The following OGDH variants were observed in gnomAD, a reference collection of about 807,000 sequenced individuals.
OGDH encodes 2-oxoglutarate dehydrogenase complex component E1.
OGDH carries 38 observed loss-of-function variants against 116.6 expected under a neutral mutation model. The observed-to-expected ratio is 0.33, with a 90% CI of 0.25 to 0.43. The LOEUF (loss-of-function observed/expected upper bound fraction) is 0.43. Ranked by LOEUF, OGDH falls within the 20% of genes least tolerant of loss-of-function variation. The pLI is 1.00. For synonymous variants in OGDH, 488 were observed against 533.3 expected, an observed-to-expected ratio of 0.92 and a Z score of 1.17; for missense variants, 825 against 1,357.2, an observed-to-expected ratio of 0.61 and a Z score of 6.16.
At chr7:44,679,048 G>A (rs1444960926) in intron 9 of OGDH, among the ~76,000 whole-genome samples, 1 of 152,218 alleles carries the variant, frequency 6.6e-6, no homozygotes, top group Non-Finnish European at 1.5e-5. Flanking sequence ...GTATGGCTCA[G>A]GCTGCCAGAC....
At chr7:44,611,234 C>T (rs572248686) in intron 1 of OGDH, among the ~76,000 whole-genome samples, 23 of 151,934 alleles carry the variant, frequency 1.5e-4, no homozygotes, top group Non-Finnish European at 2.8e-4. Flanking sequence ...CCGGAGTCTG[C>T]ACCATGCCTG....
chr7:44,646,036 G>A (rs1229082203), intron 3 of OGDH, among the ~76,000 whole-genome samples: 1 of 152,186 alleles, frequency 6.6e-6, no homozygotes, highest in East Asian at 1.9e-4. Flanking sequence ...CTCTCCAAAA[G>A]TATTGCAGTT....
intron 1 of OGDH, among the ~76,000 whole-genome samples, chr7:44,622,090 G>C (rs1785032379): frequency 6.6e-6 from 1 of 152,176 alleles, no homozygotes; most frequent in African/African-American, 2.4e-5. Context: ...GATAGTTAAT[G>C]AGGTGATGCT....
At chr7:44,620,221 A>G (rs1045898029) in intron 1 of OGDH, among the ~76,000 whole-genome samples, 2 of 152,334 alleles carry the variant, frequency 1.3e-5, no homozygotes, top group East Asian at 1.9e-4. Flanking sequence ...GCGTTTCGCC[A>G]TGTTAGCTAG....
intron 7 of OGDH, chr7:44,674,858 G>A (rs1167845837): frequency 9.4e-6 from 5 of 530,938 alleles, no homozygotes; most frequent in Non-Finnish European, 1.4e-5. Flanking sequence ...TAACCTGGAG[G>A]GAAGGCTGCT....
At position 44,661,790 on chromosome 7, in the gene OGDH, G is replaced by A. The variant is rs370658291; in HGVS notation, c.518-4946G>A. 2.3e-3 allele frequency among the ~76,000 whole-genome samples: 355 copies of A among 152,140 alleles called. 1 individual carries two copies. The highest frequency in any genetic ancestry group is 8.1e-3 in the African/African-American group (338 of 41,506). On this transcript the variant is annotated intron_variant, in intron 4 of 22. Coordinates refer to ENST00000222673, the MANE Select transcript of OGDH (RefSeq NM_002541.4). ...ATAATTTTTTTGTATTTTTAGTAGA[G>A]GCAGGGTTTCACCATGTTGGCCAGG... is the stretch of plus-strand genomic sequence containing the variant.
At chr7:44,674,665 G>T (rs1054389000) in intron 7 of OGDH, 108 bp downstream of exon 7, 2 of 1,249,602 alleles carry the variant, frequency 1.6e-6, no homozygotes, top group Non-Finnish European at 2.3e-6. Context: ...TTGAGTGCCA[G>T]TTGTGAGTCT....
chr7:44,618,255 A>G (rs558375790), intron 1 of OGDH, among the ~76,000 whole-genome samples: 32 of 152,332 alleles, frequency 2.1e-4, no homozygotes, highest in African/African-American at 7.7e-4. Flanking sequence ...CATAATTCAC[A>G]TACCATACAA....
intron 9 of OGDH, 134 bp from the exon 10 acceptor site, chr7:44,681,586 T>C (rs1040181259): frequency 5.5e-6 from 7 of 1,269,260 alleles, no homozygotes; most frequent in African/African-American, 3.0e-5. Context: ...CTGTGGACTT[T>C]CCTGCTACTT....
At chr7:44,674,013 C>A in intron 6 of OGDH, 72 bp downstream of exon 6, 1 of 1,577,564 alleles carries the variant, frequency 6.3e-7, no homozygotes, top group Non-Finnish European at 8.7e-7. Context: ...GTTGATCGGG[C>A]CTGTGTGCAG....
At chr7:44,648,876 AGTTG>A (rs1462403393) in intron 4 of OGDH, among the ~76,000 whole-genome samples, 1 of 152,132 alleles carries the variant, frequency 6.6e-6, no homozygotes, top group East Asian at 1.9e-4. Flanking sequence ...ACTGGGCATG[AGTTG>A]AACCCTGCTT....
At chr7:44,634,279 A>G (rs555314742) in intron 2 of OGDH, among the ~76,000 whole-genome samples, 1 of 152,310 alleles carries the variant, frequency 6.6e-6, no homozygotes, top group South Asian at 2.1e-4. Flanking sequence ...CAGACCGTAC[A>G]CTGCTACTCC....
intron 5 of OGDH, among the ~76,000 whole-genome samples, chr7:44,669,070 A>ACCAGCCT (rs1278977693): frequency 6.6e-6 from 1 of 150,956 alleles, no homozygotes; most frequent in Non-Finnish European, 1.5e-5. Context: ...ATCTGGTGAT[A>ACCAGCCT]CCAGCCTGTG....
chr7:44,684,902 G>A (rs1199210090), intron 10 of OGDH, among the ~76,000 whole-genome samples: 1 of 151,434 alleles, frequency 6.6e-6, no homozygotes, highest in Non-Finnish European at 1.5e-5. Flanking sequence ...CGATTCTCCT[G>A]TCTGTCTCCC....
chr7:44,675,049 C>T (rs1315861223), intron 7 of OGDH, 129 bp from the exon 8 acceptor site: 2 of 716,578 alleles, frequency 2.8e-6, no homozygotes, highest in Non-Finnish European at 4.9e-6. Context: ...TTACAGCTAT[C>T]CTTGGGCTGC....
chr7:44,672,972 C>A (rs1165197598), intron 5 of OGDH, among the ~76,000 whole-genome samples: 1 of 152,098 alleles, frequency 6.6e-6, no homozygotes, highest in African/African-American at 2.4e-5. Flanking sequence ...CTGGTGCCTC[C>A]TCTCGCTCCT....
intron 4 of OGDH, among the ~76,000 whole-genome samples, chr7:44,648,203 C>A (rs115939283): frequency 1.3e-5 from 2 of 152,316 alleles, no homozygotes; most frequent in East Asian, 1.9e-4. Flanking sequence ...GAGGCCATGT[C>A]CCTTAGGGGA....
intron 2 of OGDH, among the ~76,000 whole-genome samples, chr7:44,642,905 G>C (rs1333692966): frequency 6.7e-6 from 1 of 148,652 alleles, no homozygotes; most frequent in Non-Finnish European, 1.5e-5. Flanking sequence ...CTGGGCAACA[G>C]AGCTAGACTC....
chr7:44,660,821 A>G (rs557772818), intron 4 of OGDH, among the ~76,000 whole-genome samples: 7 of 152,238 alleles, frequency 4.6e-5, no homozygotes, highest in African/African-American at 1.7e-4. Flanking sequence ...CTAGCCACTC[A>G]GGAGGCTAAG....
Sources: allele counts gnomAD v4.1 joint callset (sites outside exome capture counted in the v4.1 genomes callset), GRCh38; gene constraint gnomAD v4.1.1; transcripts MANE v1.5; gene names NCBI Gene and HGNC (gene_info 2026-07-23, HGNC 2026-07-21).